Variants in RIF1 observed in about 807,000 individuals in gnomAD.
RIF1 encodes the protein replication timing regulatory factor 1, also known as telomere-associated protein RIF1.
In RIF1, 45 loss-of-function variants were observed where a neutral mutation model predicts 247.1. That is an observed-to-expected ratio of 0.18 (90% confidence interval 0.14 to 0.23). The LOEUF is 0.23. Ranked by LOEUF, RIF1 falls within the 10% of genes least tolerant of loss-of-function variation. The probability of loss-of-function intolerance (pLI) is 1.00; values close to 1 mark genes in which losing one functional copy is unlikely to be tolerated. For missense variants in RIF1, 2,967 were observed against 2,862.5 expected (o/e 1.04, Z -0.83); for synonymous variants, 1,087 against 978.8 (o/e 1.11, Z -2.06).
chr2:151,517,597 C>T, the RIF1 span, among the ~76,000 whole-genome samples: 1 of 152,140 alleles, frequency 6.6e-6, no homozygotes, highest in Non-Finnish European at 1.5e-5. Context: ...TCACAGAGTA[C>T]ACTTACACAA....
Position 151,474,015 on chromosome 2 carries a change from A to T in RIF1, c.7147A>T (p.Thr2383Ser). 6.3e-7 allele frequency: 1 copy of T among 1,597,368 alleles called. No individual in the cohort carries two copies. The highest frequency in any genetic ancestry group is 8.6e-7 in the Non-Finnish European group (1 of 1,166,030). ...TCCAGTTTTTGATATTTCTGAAAAAACAGTAAATGGAATAGAAAATAAATC... is the reference window on the plus strand; with the variant it reads ...TCCAGTTTTTGATATTTCTGAAAAATCAGTAAATGGAATAGAAAATAAATC... ...EIPVFDISEK[T>S]VNGIENKSLS... The change falls in exon 35 of 36, where the codon ACA becomes TCA. Residue 2383 changes from threonine (T) to serine (S), a missense_variant. Transcript: ENST00000444746.
At chr2:151,484,689 C>G (rs2049404834), downstream of RIF1, among the ~76,000 whole-genome samples, 1 of 152,322 alleles carries the variant, frequency 6.6e-6, no homozygotes, top group East Asian at 1.9e-4. Context: ...TTGTTGCCTA[C>G]TTGCATTTTT....
chr2:151,531,956 T>A, the RIF1 span: 1 of 1,047,612 alleles, frequency 9.5e-7, no homozygotes, highest in Non-Finnish European at 1.4e-6. Flanking sequence ...TTAAGGTATC[T>A]AATTGTCCTC....
chr2:151,438,758 T>TA lies in RIF1; in HGVS notation c.1546+13dup, dbSNP rs756111058. Reference sequence around the variant, plus strand: ...AGTTACTGAATCAGGTAAGCACTATTACACTGATCAAATGTTGTTTTTTGA... The same window carrying TA: ...AGTTACTGAATCAGGTAAGCACTATTAACACTGATCAAATGTTGTTTTTTGA... On this transcript the variant is annotated intron_variant, in intron 14 of 35. Coordinates refer to ENST00000444746, the MANE Select transcript of RIF1 (RefSeq NM_018151.5). 2 of 1,575,918 alleles carry TA rather than the reference T, an allele frequency of 1.3e-6. No homozygotes were observed. The highest frequency in any genetic ancestry group is 1.7e-4 in the Middle Eastern group (1 of 5,994).
chr2:151,534,269 T>C, the RIF1 span: 11 of 1,613,654 alleles, frequency 6.8e-6, no homozygotes, highest in Non-Finnish European at 9.3e-6. Flanking sequence ...GCTCATCGAC[T>C]ACCAGGTGGT....
intron 12 of RIF1, chr2:151,506,020 G>C: frequency 2.7e-6 from 2 of 737,508 alleles, no homozygotes; most frequent in Non-Finnish European, 4.9e-6. Context: ...GATGACTCTA[G>C]CCACTGTGTG....
rs773733291 is a variant in RIF1 at position 151,463,021 on chromosome 2, C to A, written c.3501C>A (p.Asn1167Lys). Reference protein sequence around the residue: ...SLDKTSPEMSNSNNDERKKAL... With the variant: ...SLDKTSPEMSKSNNDERKKAL... ...ACAAAACCAGTCCAGAAATGTCAAA[C>A]AGTAATAATGATGAAAGAAAAAAAG... Residue 1167 changes from asparagine (N) to lysine (K), a missense_variant, in exon 30 of 36, where the codon AAC becomes AAA. This residue lies in a region of RIF1 where 2,028 missense variants were observed against 1,825.6 expected (regional missense o/e 1.11). Transcript: ENST00000444746. 1 of 1,613,644 alleles carries A rather than the reference C, an allele frequency of 6.2e-7. No individual in the cohort carries two copies. Among genetic ancestry groups the A allele is most frequent in the Non-Finnish European group, 8.5e-7 (1 of 1,179,686 alleles).
At chr2:151,412,610 C>T (rs1468651693) in intron 3 of RIF1, among the ~76,000 whole-genome samples, 1 of 152,138 alleles carries the variant, frequency 6.6e-6, no homozygotes, top group Admixed American at 6.5e-5. Context: ...GCCTCAGCCT[C>T]CTGAGTAGCT....
chr2:151,495,473 T>G (rs1397137387), intron 10 of RIF1: 1 of 152,338 alleles, frequency 6.6e-6, no homozygotes, highest in African/African-American at 2.4e-5. Flanking sequence ...TTAGAAGCAC[T>G]GTACTCAAGT....
intron 11 of RIF1, among the ~76,000 whole-genome samples, chr2:151,502,320 A>C (rs2065254311): frequency 6.6e-6 from 1 of 152,162 alleles, no homozygotes; most frequent in Non-Finnish European, 1.5e-5. Context: ...TCACCACTAA[A>C]GAACTTAGTA....
intron 9 of RIF1, among the ~76,000 whole-genome samples, chr2:151,488,500 A>G (rs1251166768): frequency 6.6e-6 from 1 of 150,532 alleles, no homozygotes; most frequent in Non-Finnish European, 1.5e-5. Context: ...AAAAAAAATT[A>G]GCCTAGAATG....
chr2:151,529,340 A>T, the RIF1 span: 1 of 1,477,002 alleles, frequency 6.8e-7, no homozygotes, highest in Non-Finnish European at 9.5e-7. Context: ...CAGTGACAAG[A>T]TTAATTTTTT....
chr2:151,513,701 A>C, the RIF1 span: 1 of 1,558,238 alleles, frequency 6.4e-7, no homozygotes, highest in Non-Finnish European at 8.8e-7. Context: ...TTTCTATAGT[A>C]GCATTAAAAG....
rs1007973854 is a variant in RIF1 at position 151,475,382 on chromosome 2, C to G, written c.*311C>G. 6 of 299,190 alleles carry G rather than the reference C, an allele frequency of 2.0e-5. No homozygotes were observed. The highest frequency in any genetic ancestry group is 1.5e-4 in the Admixed American group (3 of 20,292). The allele number at this position is 299,190 out of a possible 1,614,324, so 18.5% of individuals were successfully genotyped here. A position where few individuals can be genotyped will look rare whatever the true frequency, so the allele number is the denominator to read the frequency against. ...CATTTTATTTCATGCTTTCTTAAAC[C>G]CGTGCATATTCTGGTGAAACATGTA... On this transcript the variant is annotated 3_prime_UTR_variant, in exon 36 of 36. Transcript: ENST00000444746.
Position 151,503,423 on chromosome 2 carries a change from A to G in RIF1, c.*861+238A>G. 1.2e-6 allele frequency: 2 copies of G among 1,611,142 alleles called. No individual in the cohort carries two copies. Among genetic ancestry groups the G allele is most frequent in the South Asian group, 1.1e-5 (1 of 90,982 alleles). On this transcript the variant is annotated intron_variant and NMD_transcript_variant, in intron 12 of 13. Transcript: ENST00000454583. ...ACAGTGGTTGGAATGCCTGTTCCCA[A>G]GTTTTCTTTGTACATAACCTGTAGA...
rs1416505947 is a variant in RIF1 at position 151,477,919 on chromosome 2, A to G, written c.*2848A>G. On this transcript the variant is annotated 3_prime_UTR_variant, in exon 36 of 36. Coordinates refer to ENST00000444746, the MANE Select transcript of RIF1 (RefSeq NM_018151.5). ...GATACGGGGTTTCACCATGTCAGCC[A>G]GGCTGGTCTCAAACTTCTGACCTCA... 2.0e-5 allele frequency: 3 copies of G among 152,110 alleles called. No individual in the cohort carries two copies. Among genetic ancestry groups the G allele is most frequent in the Non-Finnish European group, 2.9e-5 (2 of 68,044 alleles). The allele number at this position is 152,110 out of a possible 1,614,324, so 9.4% of individuals were successfully genotyped here.
rs201838738 is a variant in RIF1 at position 151,468,081 on chromosome 2, T to G, written c.6682T>G (p.Ser2228Ala). ...TGATAGACGGTGCTCTATTGTTAGG[T>G]CCCATTCTTCCAATAGTTCTCCCAT... ...DIDRRCSIVR[S>A]HSSNSSPIGK... is the part of the protein sequence containing the mutation. Residue 2228 changes from serine to alanine, a missense_variant, in exon 31 of 36, where the codon TCC becomes GCC. Transcript: ENST00000444746. 46 of 1,613,274 alleles carry G rather than the reference T, an allele frequency of 2.9e-5. No individual in the cohort carries two copies. In the East Asian group the frequency reaches 9.6e-4, roughly 34 times the overall value.
At position 151,451,669 on chromosome 2, in the gene RIF1, T is replaced by A; in HGVS notation, c.2308T>A (p.Ser770Thr). 6.8e-7 allele frequency: 1 copy of A among 1,468,036 alleles called. No homozygotes were observed. Among genetic ancestry groups the A allele is most frequent in the Non-Finnish European group, 9.5e-7 (1 of 1,048,526 alleles). The allele number at this position is 1,468,036 out of a possible 1,614,324, so 90.9% of individuals were successfully genotyped here. A position where few individuals can be genotyped will look rare whatever the true frequency, so the allele number is the denominator to read the frequency against. The change falls in exon 21 of 36, where the codon TCA becomes ACA. Residue 770 changes from serine to threonine, a missense_variant. By Grantham distance (58) the Ser-to-Thr change is moderately conservative. This residue lies in a region of RIF1 where 2,028 missense variants were observed against 1,825.6 expected (regional missense o/e 1.11). Coordinates refer to ENST00000444746, the MANE Select transcript of RIF1 (RefSeq NM_018151.5). The part of the protein sequence containing the change: ...ITVMVDCIDF[S>T]PYNIKYQPKV... ...TGTAATGGTTGATTGCATTGACTTCTCACCATATAATATTAAATATCAGCC... is the reference window on the plus strand; with the variant it reads ...TGTAATGGTTGATTGCATTGACTTCACACCATATAATATTAAATATCAGCC...
chr2:151,422,916 G>A lies in RIF1; in HGVS notation c.694-34G>A, dbSNP rs115218817. 342 of 1,126,332 alleles carry A rather than the reference G, an allele frequency of 3.0e-4. No individual in the cohort carries two copies. The African/African-American group carries it at 5.1e-3, about 17-fold the overall frequency. The allele number at this position is 1,126,332 out of a possible 1,614,324, so 69.8% of individuals were successfully genotyped here. A position where few individuals can be genotyped will look rare whatever the true frequency, so the allele number is the denominator to read the frequency against. On this transcript the variant is annotated intron_variant, in intron 7 of 35. Coordinates refer to ENST00000444746, the MANE Select transcript of RIF1 (RefSeq NM_018151.5). ...TGGTATTGGATTTTTTTTTCTAAGAGTCTGTTTGGTAAATTAATTGCTTTT... is the reference window on the plus strand; with the variant it reads ...TGGTATTGGATTTTTTTTTCTAAGAATCTGTTTGGTAAATTAATTGCTTTT...
Sources: allele counts gnomAD v4.1 joint callset (sites outside exome capture counted in the v4.1 genomes callset), GRCh38; gene constraint gnomAD v4.1.1; regional missense constraint gnomAD v4.1.1; transcripts MANE v1.5; gene names NCBI Gene and HGNC (gene_info 2026-07-23, HGNC 2026-07-21).